ZMYM6: variants seen among roughly 807,000 people sequenced by gnomAD.
ZMYM6 encodes zinc finger MYM-type containing 6, also known as zinc finger MYM-type protein 6.
Under a neutral mutation model 134.0 loss-of-function variants are expected in ZMYM6, and 90 were observed. That is an observed-to-expected ratio of 0.67 (90% CI 0.57 to 0.80). ZMYM6 has a LOEUF of 0.80. Ranked by LOEUF, ZMYM6 falls within the 30% of genes least tolerant of loss-of-function variation. ZMYM6 has a pLI of 0.00. For missense variants in ZMYM6, 1,362 were observed against 1,533.9 expected (o/e 0.89, Z 1.87); for synonymous variants, 481 against 524.1 (o/e 0.92, Z 1.12).
At chr1:35,007,708 G>C (rs1207232679) in intron 11 of ZMYM6, among the ~76,000 whole-genome samples, 1 of 152,108 alleles carries the variant, frequency 6.6e-6, no homozygotes. Context: ...GGGAGGCTGA[G>C]GCAGGAGAAT....
At chr1:35,005,655 A>G (rs1008409475) in intron 12 of ZMYM6, among the ~76,000 whole-genome samples, 2 of 149,836 alleles carry the variant, frequency 1.3e-5, no homozygotes, top group Non-Finnish European at 3.0e-5. Context: ...AAAAAAAGAC[A>G]GGTATTAGCT....
chr1:35,004,949 T>G lies in ZMYM6; in HGVS notation c.1954+183A>C, dbSNP rs182415715. Among the ~76,000 whole-genome samples, 3 of 152,096 alleles carry G rather than the reference T, an allele frequency of 2.0e-5. No individual in the cohort carries two copies. The East Asian group carries it at 5.8e-4, about 29-fold the overall frequency. On this transcript the variant is annotated intron_variant, in intron 13 of 15. Coordinates refer to ENST00000357182, the MANE Select transcript of ZMYM6 (RefSeq NM_007167.4). ...GGCAGGCACCTGTAATCCCAGCTAC[T>G]CGGGAGGCTGAGGCAGGAGAATTGC...
At chr1:34,997,162 C>T (rs1363068030) in intron 14 of ZMYM6, among the ~76,000 whole-genome samples, 1 of 152,198 alleles carries the variant, frequency 6.6e-6, no homozygotes, top group Non-Finnish European at 1.5e-5. Flanking sequence ...TGTTATCCAT[C>T]GTTTTTCTTT....
intron 14 of ZMYM6, among the ~76,000 whole-genome samples, chr1:34,993,586 CATGTA>C (rs1446814725): frequency 6.6e-6 from 1 of 152,170 alleles, no homozygotes; most frequent in East Asian, 1.9e-4. Context: ...TCACCTTTGC[CATGTA>C]ATGTAACATA....
chr1:35,004,000 C>A lies in ZMYM6; in HGVS notation c.1960G>T (p.Val654Phe). 6 of 1,610,724 alleles carry A rather than the reference C, an allele frequency of 3.7e-6. No homozygotes were observed. Among genetic ancestry groups the A allele is most frequent in the Non-Finnish European group, 4.2e-6 (5 of 1,177,480 alleles). ...GNTNSVLKGAVTKEAAKIIQD... is the reference protein window; with the variant it reads ...GNTNSVLKGAFTKEAAKIIQD... ...ATGATCTTTGCTGCCTCTTTAGTAA[C>A]TGCACCTGTTGTAAATTAAAACAAA... Residue 654 changes from valine to phenylalanine, a missense_variant, in exon 14 of 16, where the codon GTT becomes TTT. By Grantham distance (50) the Val-to-Phe change is conservative. Coordinates refer to ENST00000357182, the MANE Select transcript of ZMYM6 (RefSeq NM_007167.4).
In ZMYM6 at chr1:35,022,513, C is replaced by T. The variant is rs554825030; in HGVS notation, c.94-2046G>A. Among the ~76,000 whole-genome samples, 16 of 152,262 alleles carry T rather than the reference C, an allele frequency of 1.1e-4. No homozygotes were observed. In the South Asian group the frequency reaches 2.7e-3, roughly 26 times the overall value. On this transcript the variant is annotated intron_variant, in intron 2 of 15. Coordinates refer to ENST00000357182, the MANE Select transcript of ZMYM6 (RefSeq NM_007167.4). ...TCCTGACCTCAGGTGACCCACCCAC[C>T]TCCACCTCCCAAAGTGCTGGGATTA...
rs115559761 is a variant in ZMYM6, at chr1:35,024,108, G to C, written c.94-3641C>G. 3.4e-3 allele frequency among the ~76,000 whole-genome samples: 516 copies of C among 152,098 alleles called. 6 individuals are homozygous for C. The highest frequency in any genetic ancestry group is 0.012 in the African/African-American group (481 of 41,494). On this transcript the variant is annotated intron_variant, in intron 2 of 15. Transcript: ENST00000357182. ...TTTCAATTGCACCAGGTAAAAACAA[G>C]TAACTAAGAACTCCCTCAACATCCC...
intron 14 of ZMYM6, among the ~76,000 whole-genome samples, chr1:34,997,610 A>C (rs1226211436): frequency 6.6e-6 from 1 of 152,112 alleles, no homozygotes. Context: ...TGGCCCATAG[A>C]AGCTCTTTAC....
chr1:35,024,697 G>T (rs182405116), intron 2 of ZMYM6, among the ~76,000 whole-genome samples: 2 of 152,082 alleles, frequency 1.3e-5, no homozygotes, highest in East Asian at 3.9e-4. Context: ...CCATGACGTG[G>T]CTATTTTCTC....
At chr1:35,010,317 G>C in intron 10 of ZMYM6, 130 bp downstream of exon 10, 1 of 1,223,958 alleles carries the variant, frequency 8.2e-7, no homozygotes, top group Admixed American at 2.5e-5. Flanking sequence ...CTCCATGCCC[G>C]GCCTCCAAAA....
At chr1:35,022,290 A>G (rs904001296) in intron 2 of ZMYM6, among the ~76,000 whole-genome samples, 1 of 151,690 alleles carries the variant, frequency 6.6e-6, no homozygotes, top group Non-Finnish European at 1.5e-5. Flanking sequence ...TTTCTTTTTG[A>G]GACGGAGTCT....
chr1:35,029,291 C>T (rs1216589680), intron 2 of ZMYM6, among the ~76,000 whole-genome samples: 1 of 152,156 alleles, frequency 6.6e-6, no homozygotes, highest in East Asian at 1.9e-4. Flanking sequence ...TATATACAGC[C>T]TTATCATAGA....
chr1:35,006,857 T>C (rs1302651243), intron 12 of ZMYM6, 94 bp downstream of exon 12: 1 of 1,169,316 alleles, frequency 8.6e-7, no homozygotes, highest in African/African-American at 1.6e-5. Flanking sequence ...TTGAATCCAA[T>C]GAAATTTTGT....
In ZMYM6 at chr1:35,011,059, A is replaced by G. The variant is rs771319058; in HGVS notation, c.1063-23T>C. The G allele has an allele frequency of 3.9e-5, 62 of 1,598,734 alleles. No homozygotes were observed. In the East Asian group the frequency reaches 1.3e-3, roughly 33 times the overall value. ...ATTCTGAATGAAAACAAATAAGGTA[A>G]AGATTTTATCAACTGAGAAATAAGA... is the stretch of plus-strand genomic sequence containing the variant. On this transcript the variant is annotated intron_variant, in intron 8 of 15. Transcript: ENST00000357182.
intron 4 of ZMYM6, among the ~76,000 whole-genome samples, chr1:35,015,945 C>CTTT (rs10715166): frequency 7.5e-5 from 10 of 134,112 alleles, no homozygotes; most frequent in Admixed American, 1.5e-4. Context: ...TTTTTTCTTT[C>CTTT]TTTTTTTTTT....
chr1:35,020,313 C>T, intron 3 of ZMYM6, 70 bp downstream of exon 3: 2 of 1,359,268 alleles, frequency 1.5e-6, no homozygotes, highest in Non-Finnish European at 2.0e-6. Flanking sequence ...TGAAAAGATG[C>T]TTTCCCTCAA....
In ZMYM6 at chr1:35,018,519, A is replaced by T. The variant is rs760865012; in HGVS notation, c.428+834T>A. 18 of 151,788 alleles carry T rather than the reference A, an allele frequency of 1.2e-4. 1 individual carries two copies. The highest frequency in any genetic ancestry group is 3.4e-4 in the African/African-American group (14 of 41,366). The allele number at this position is 151,788 out of a possible 1,614,324, so 9.4% of individuals were successfully genotyped here. A position where few individuals can be genotyped will look rare whatever the true frequency, so the allele number is the denominator to read the frequency against. ...TTATATTTATTTATGTTAATTATAA[A>T]TAATCGCACGATATAATTTTTATTA... On this transcript the variant is annotated intron_variant, in intron 4 of 15. Transcript: ENST00000357182.
At chr1:35,027,068 G>C (rs1049906548) in intron 2 of ZMYM6, among the ~76,000 whole-genome samples, 1 of 152,192 alleles carries the variant, frequency 6.6e-6, no homozygotes, top group Non-Finnish European at 1.5e-5. Flanking sequence ...CATCTTAAAA[G>C]AGGACAAAAT....
Position 34,988,443 on chromosome 1 carries a change from T to C in ZMYM6, c.2639A>G (p.Asn880Ser). The C allele has an allele frequency of 6.4e-7, 1 of 1,551,504 alleles. No homozygotes were observed. The highest frequency in any genetic ancestry group is 8.7e-7 in the Non-Finnish European group (1 of 1,146,906). ...GDKMKTIPLS[N>S]VTIQHRIDEL... ...ATCAATCCTGTGTTGAATTGTAACA[T>C]TAGAAAGTGGAATAGTTTTCATTTT... Residue 880 changes from asparagine (N) to serine (S), a missense_variant, in exon 16 of 16, where the codon AAT becomes AGT. Physicochemically the swap from Asn to Ser is conservative, Grantham distance 46. Coordinates refer to ENST00000357182, the MANE Select transcript of ZMYM6 (RefSeq NM_007167.4).
Sources: allele counts gnomAD v4.1 joint callset (sites outside exome capture counted in the v4.1 genomes callset), GRCh38; gene constraint gnomAD v4.1.1; transcripts MANE v1.5; gene names NCBI Gene and HGNC (gene_info 2026-07-23, HGNC 2026-07-21).